PDE10A: variants seen among roughly 807,000 people sequenced by gnomAD.
The protein encoded by PDE10A is cAMP and cAMP-inhibited cGMP 3',5'-cyclic phosphodiesterase 10A.
PDE10A carries 39 observed loss-of-function variants against 97.7 expected under a neutral mutation model. The observed-to-expected ratio is 0.40, with a 90% CI of 0.31 to 0.52. The LOEUF is 0.52. Among genes scored for constraint, PDE10A ranks in the 20% least tolerant of loss-of-function variants. PDE10A has a pLI of 0.56. For synonymous variants in PDE10A, 371 were observed against 376.8 expected (o/e 0.98, Z 0.18); for missense variants, 731 against 1,047.8 (o/e 0.70, Z 4.17).
chr6:165,441,825 A>G (rs1279168281), intron 5 of PDE10A, among the ~76,000 whole-genome samples: 1 of 152,188 alleles, frequency 6.6e-6, no homozygotes, highest in African/African-American at 2.4e-5. Context: ...ACTGGTTTGC[A>G]GAAAGGTAAT....
intron 1 of PDE10A, among the ~76,000 whole-genome samples, chr6:165,708,550 C>A (rs1459200704): frequency 2.6e-5 from 4 of 151,952 alleles, no homozygotes; most frequent in African/African-American, 4.8e-5. Flanking sequence ...AGTGCCTCCA[C>A]CCCCACGCCT....
rs987296409 is a variant in PDE10A, at chr6:165,745,749, G to C, written c.-614-202181C>G. Reference sequence around the variant, plus strand: ...TGACATGCAATCCTCATAAGGACATGTACTTCTAAATTTGCAAAATATTAC... The same window carrying C: ...TGACATGCAATCCTCATAAGGACATCTACTTCTAAATTTGCAAAATATTAC... On this transcript the variant is annotated intron_variant, in intron 1 of 19. Coordinates refer to the PDE10A transcript ENST00000366882. Among the ~76,000 whole-genome samples, 8 of 152,142 alleles carry C rather than the reference G, an allele frequency of 5.3e-5. No individual in the cohort carries two copies. The East Asian group carries it at 1.5e-3, about 29-fold the overall frequency.
Position 165,711,459 on chromosome 6 carries a change from G to C in PDE10A, c.-614-167891C>G, listed in dbSNP as rs1261988292. ...GCTAGAACACCCTGCTTCTGGTCTTGTCTGGTGGACTCTGCGAGTTAGCTG... is the reference window on the plus strand; with the variant it reads ...GCTAGAACACCCTGCTTCTGGTCTTCTCTGGTGGACTCTGCGAGTTAGCTG... On this transcript the variant is annotated intron_variant, in intron 1 of 19. Transcript: ENST00000366882. The surrounding 1 kb of genome is among the most constrained non-coding windows in gnomAD (Gnocchi z 4.5). Among the ~76,000 whole-genome samples the C allele has an allele frequency of 1.3e-5, 2 of 152,188 alleles. No homozygotes were observed. Among genetic ancestry groups the C allele is most frequent in the African/African-American group, 4.8e-5 (2 of 41,460 alleles).
chr6:165,458,670 C>A (rs895948575), intron 3 of PDE10A, among the ~76,000 whole-genome samples: 1 of 142,234 alleles, frequency 7.0e-6, no homozygotes. Context: ...CAGGCGCACG[C>A]ACACACACAC....
At chr6:165,356,160 G>A (rs1201342444) in intron 18 of PDE10A, among the ~76,000 whole-genome samples, 5 of 152,160 alleles carry the variant, frequency 3.3e-5, no homozygotes, top group East Asian at 1.9e-4. Context: ...CTCAATCACC[G>A]CTCACCAGGC....
chr6:165,799,265 G>C lies in PDE10A; in HGVS notation c.-615+188264C>G, dbSNP rs147586362. 8.5e-4 allele frequency among the ~76,000 whole-genome samples: 129 copies of C among 152,318 alleles called. No individual in the cohort carries two copies. The East Asian group carries it at 0.022, about 26-fold the overall frequency. ...CAGCGAATGAGAAAAACAGATGGAG[G>C]AAGAGGGCAGGTCTATGTACCCCAC... is the stretch of plus-strand genomic sequence containing the variant. On this transcript the variant is annotated intron_variant, in intron 1 of 19. Coordinates refer to the PDE10A transcript ENST00000366882.
chr6:165,712,430 G>A (rs993139558), intron 1 of PDE10A, among the ~76,000 whole-genome samples: 1 of 152,122 alleles, frequency 6.6e-6, no homozygotes, highest in Non-Finnish European at 1.5e-5. Context: ...TGGGAGGCAG[G>A]TTACAGGAAC....
intron 1 of PDE10A, among the ~76,000 whole-genome samples, chr6:165,822,919 C>G (rs974627924): frequency 1.3e-5 from 2 of 152,076 alleles, no homozygotes; most frequent in Non-Finnish European, 2.9e-5. Context: ...ACTGCAAGCT[C>G]CTCCTCCCAG....
chr6:165,601,115 G>A (rs1473796228), intron 1 of PDE10A, among the ~76,000 whole-genome samples: 3 of 152,182 alleles, frequency 2.0e-5, no homozygotes, highest in African/African-American at 4.8e-5. Flanking sequence ...TCATGATAGA[G>A]AATAAGTCTC....
At chr6:165,480,034 G>A (rs1022988544) in intron 3 of PDE10A, among the ~76,000 whole-genome samples, 9 of 152,086 alleles carry the variant, frequency 5.9e-5, no homozygotes, top group Non-Finnish European at 8.8e-5. Context: ...GGGTCAAGAC[G>A]CAATTAGTCT....
chr6:165,443,719 C>T (rs928495848), intron 5 of PDE10A, among the ~76,000 whole-genome samples: 2 of 152,204 alleles, frequency 1.3e-5, no homozygotes, highest in Admixed American at 1.3e-4. Flanking sequence ...CTATCATCCT[C>T]TGAAATCTGG....
In PDE10A at chr6:165,661,721, C is replaced by T. The variant is rs1790274656; in HGVS notation, c.865+226G>A. On this transcript the variant is annotated intron_variant, in intron 1 of 21. Coordinates refer to ENST00000539869, the MANE Select transcript of PDE10A (RefSeq NM_001385079.1). The surrounding 1 kb of genome is among the most constrained non-coding windows in gnomAD (Gnocchi z 4.8). ...TCCCGAGCCGCCCTTCCCCCGAGCG[C>T]TCGCGGAGCCTGGGAAACCCCGGCG... 4 of 444,242 alleles carry T rather than the reference C, an allele frequency of 9.0e-6. No individual in the cohort carries two copies. The East Asian group carries it at 1.1e-4, about 13-fold the overall frequency. 27.5% of individuals were successfully genotyped at this position (444,242 alleles called of 1,614,324 possible).
chr6:165,531,892 C>T (rs1026722903), intron 2 of PDE10A, among the ~76,000 whole-genome samples: 4 of 152,174 alleles, frequency 2.6e-5, no homozygotes, highest in Admixed American at 1.3e-4. Flanking sequence ...AACCTTTAAA[C>T]CATCTTCTTG....
intron 1 of PDE10A, among the ~76,000 whole-genome samples, chr6:165,818,513 G>A (rs1252344091): frequency 6.6e-6 from 1 of 152,174 alleles, no homozygotes; most frequent in Admixed American, 6.5e-5. Context: ...ATGCAAGCTG[G>A]TTTATGTAGA....
chr6:165,723,035 ACACACCATGCCAG>A (rs1427466158), intron 1 of PDE10A, among the ~76,000 whole-genome samples: 1 of 152,148 alleles, frequency 6.6e-6, no homozygotes, highest in African/African-American at 2.4e-5. Flanking sequence ...CAAAATGTGA[ACACACCATGCCAG>A]CATCCTGAGC....
rs867487489 is a variant in PDE10A at position 165,958,579 on chromosome 6, A to C, written c.-615+28950T>G. On this transcript the variant is annotated intron_variant, in intron 1 of 19. Coordinates refer to the PDE10A transcript ENST00000366882. ...AAAGAAAGAAAGACAGACAGAAAGA[A>C]AGACAGAAAGAGAGAAAGAAAGAGA... Among the ~76,000 whole-genome samples the C allele has an allele frequency of 1.7e-4, 6 of 34,484 alleles. 2 individuals carry two copies. The highest frequency in any genetic ancestry group is 2.7e-4 in the Non-Finnish European group (4 of 14,818). The allele number at this position is 34,484 out of a possible 152,430, so 22.6% of individuals were successfully genotyped here.
intron 1 of PDE10A, among the ~76,000 whole-genome samples, chr6:165,556,312 A>G (rs1345671772): frequency 6.6e-6 from 1 of 152,172 alleles, no homozygotes; most frequent in African/African-American, 2.4e-5. Context: ...GAGCTTACAC[A>G]AAACAGTCAA....
Position 165,431,297 on chromosome 6 carries a change from C to A in PDE10A, c.1542+125G>T, listed in dbSNP as rs966990967. 6 of 526,130 alleles carry A rather than the reference C, an allele frequency of 1.1e-5. No homozygotes were observed. The African/African-American group carries it at 1.2e-4, about 10-fold the overall frequency. 32.6% of individuals were successfully genotyped at this position (526,130 alleles called of 1,614,324 possible). A position where few individuals can be genotyped will look rare whatever the true frequency, so the allele number is the denominator to read the frequency against. Reference sequence around the variant, plus strand: ...ATTAAGTTAAAATTTCTAGAAATAACAGAAAATTGTAATATCCCAAAATAA... The same window carrying A: ...ATTAAGTTAAAATTTCTAGAAATAAAAGAAAATTGTAATATCCCAAAATAA... On this transcript the variant is annotated intron_variant, in intron 8 of 21. Coordinates refer to ENST00000539869, the MANE Select transcript of PDE10A (RefSeq NM_001385079.1).
At chr6:165,344,623 C>A (rs955802817) in intron 18 of PDE10A, among the ~76,000 whole-genome samples, 2 of 152,194 alleles carry the variant, frequency 1.3e-5, no homozygotes, top group Non-Finnish European at 2.9e-5. Flanking sequence ...AGAGACTCTG[C>A]TCTAGTAGTG....
Sources: allele counts gnomAD v4.1 joint callset (sites outside exome capture counted in the v4.1 genomes callset), GRCh38; gene constraint gnomAD v4.1.1; non-coding constraint Gnocchi (gnomAD v3.1); transcripts MANE v1.5; gene names NCBI Gene and HGNC (gene_info 2026-07-23, HGNC 2026-07-21).